The following NYAP2 variants were observed in gnomAD, a reference collection of about 807,000 sequenced individuals.
NYAP2 encodes neuronal tyrosine-phosphorylated phosphoinositide-3-kinase adapter 2.
A neutral mutation model predicts 50.4 loss-of-function variants in NYAP2; 23 were observed. The ratio of observed to expected loss-of-function variants is 0.46; its 90% CI spans 0.33 to 0.65. The LOEUF is 0.65. Ranked by LOEUF, NYAP2 falls within the 30% of genes least tolerant of loss-of-function variation. The pLI, the probability that NYAP2 is intolerant of heterozygous loss-of-function variation, is 0.02. For synonymous variants in NYAP2, 394 were observed against 365.2 expected, an observed-to-expected ratio of 1.08 and a Z score of -0.90; for missense variants, 885 against 861.0, an observed-to-expected ratio of 1.03 and a Z score of -0.35.
At chr2:225,489,618 G>A (rs1267474509) in intron 3 of NYAP2, among the ~76,000 whole-genome samples, 2 of 152,154 alleles carry the variant, frequency 1.3e-5, no homozygotes, top group African/African-American at 2.4e-5. Context: ...GAGGAAACAA[G>A]TACCAGCTTT....
intron 3 of NYAP2, among the ~76,000 whole-genome samples, chr2:225,468,374 C>T (rs1451220916): frequency 6.6e-6 from 1 of 152,168 alleles, no homozygotes; most frequent in African/African-American, 2.4e-5. Flanking sequence ...CAAAAGAATA[C>T]ATTTCTGTTA....
chr2:225,649,094 G>A (rs1693687484), intron 6 of NYAP2, among the ~76,000 whole-genome samples: 1 of 152,170 alleles, frequency 6.6e-6, no homozygotes, highest in South Asian at 2.1e-4. Context: ...TTGTGCAAGT[G>A]CGTGTGTATG....
the NYAP2 span, among the ~76,000 whole-genome samples, chr2:225,670,910 T>G: frequency 2.6e-5 from 4 of 152,138 alleles, no homozygotes; most frequent in Non-Finnish European, 4.4e-5. Flanking sequence ...GTAAACATTG[T>G]GTCTAAACAA....
At chr2:225,635,347 C>G (rs1693394184) in intron 6 of NYAP2, among the ~76,000 whole-genome samples, 1 of 152,100 alleles carries the variant, frequency 6.6e-6, no homozygotes, top group South Asian at 2.1e-4. Flanking sequence ...GATGAAATAA[C>G]AAAACACTGC....
rs377255280 is a variant in NYAP2 at position 225,582,058 on chromosome 2, A to G, written c.641A>G (p.Lys214Arg). The G allele has an allele frequency of 1.6e-4, 261 of 1,614,076 alleles. 4 individuals carry two copies. The Middle Eastern group carries it at 5.4e-3, about 34-fold the overall frequency. Residue 214 changes from lysine (K) to arginine (R), a missense_variant, in exon 5 of 7, where the codon AAG becomes AGG. Coordinates refer to ENST00000636099, the Ensembl canonical transcript of NYAP2. The surrounding 1 kb of genome is among the most constrained non-coding windows in gnomAD (Gnocchi z 7.0). ...TCTTTCGATGAAACGTACATCAAAA[A>G]GCATGGGCCCCGGAGGACGTCGCTG...
At chr2:225,652,351 G>C (rs544188504) in exon 7 of NYAP2, 3 of 152,194 alleles carry the variant, frequency 2.0e-5, no homozygotes, top group Non-Finnish European at 2.9e-5. Context: ...TTCATGCATG[G>C]TAAATGAGAT....
chr2:225,574,467 C>G (rs1166233228), intron 4 of NYAP2, among the ~76,000 whole-genome samples: 1 of 152,184 alleles, frequency 6.6e-6, no homozygotes, highest in Admixed American at 6.5e-5. Flanking sequence ...TCTCTAAGCT[C>G]TTGAATCTAC....
At chr2:225,684,325 G>A in the NYAP2 span, among the ~76,000 whole-genome samples, 1 of 151,940 alleles carries the variant, frequency 6.6e-6, no homozygotes. Flanking sequence ...GGATTAGGTT[G>A]AACTGGAAAG....
Position 225,518,735 on chromosome 2 carries a change from T to C in NYAP2, c.523+5063T>C, listed in dbSNP as rs1043993063. On this transcript the variant is annotated intron_variant, in intron 4 of 6. Transcript: ENST00000636099. The stretch of plus-strand genomic sequence containing the variant: ...ACAATTTTTGCCAATTAAAAATAAA[T>C]AGGCCAGGCATGGTGGCTTACACCT... Among the ~76,000 whole-genome samples, 15 of 148,394 alleles carry C rather than the reference T, an allele frequency of 1.0e-4. 1 individual carries two copies. The highest frequency in any genetic ancestry group is 9.5e-4 in the Admixed American group (14 of 14,748).
Position 225,455,087 on chromosome 2 carries a change from A to C in NYAP2, c.221+45986A>C, listed in dbSNP as rs1405434150. On this transcript the variant is annotated intron_variant, in intron 3 of 6. Transcript: ENST00000636099. The stretch of plus-strand genomic sequence containing the variant: ...ATGCAGACAGTCTCCAGAAATTGGA[A>C]AAGGCAAAAAACAAAACAAAACAAA... Among the ~76,000 whole-genome samples the C allele has an allele frequency of 2.0e-5, 3 of 152,140 alleles. No homozygotes were observed. The East Asian group carries it at 5.8e-4, about 29-fold the overall frequency.
intron 3 of NYAP2, among the ~76,000 whole-genome samples, chr2:225,479,044 C>T (rs1302148745): frequency 1.3e-5 from 2 of 152,000 alleles, no homozygotes; most frequent in Non-Finnish European, 2.9e-5. Flanking sequence ...ATTGTACTAG[C>T]AGATGTGATT....
At chr2:225,613,484 C>A (rs1692934847) in intron 5 of NYAP2, among the ~76,000 whole-genome samples, 1 of 152,172 alleles carries the variant, frequency 6.6e-6, no homozygotes, top group Non-Finnish European at 1.5e-5. Flanking sequence ...CAGACTTACC[C>A]AGAAACAATA....
chr2:225,617,734 G>C (rs906637001), intron 5 of NYAP2, among the ~76,000 whole-genome samples: 3 of 152,130 alleles, frequency 2.0e-5, no homozygotes, highest in African/African-American at 7.2e-5. Context: ...TTTGACAACA[G>C]CAACTAACTC....
intron 3 of NYAP2, among the ~76,000 whole-genome samples, chr2:225,460,206 C>T (rs532294101): frequency 6.6e-6 from 1 of 152,226 alleles, no homozygotes; most frequent in East Asian, 1.9e-4. Context: ...TTTCAAGAGG[C>T]TACCAGTCCC....
At chr2:225,635,794 C>T (rs992150512) in intron 6 of NYAP2, among the ~76,000 whole-genome samples, 3 of 152,110 alleles carry the variant, frequency 2.0e-5, no homozygotes, top group Admixed American at 1.3e-4. Flanking sequence ...GTTGCTACAT[C>T]GTACACAGTT....
the NYAP2 span, among the ~76,000 whole-genome samples, chr2:225,687,586 G>A: frequency 6.6e-6 from 1 of 152,006 alleles, no homozygotes; most frequent in African/African-American, 2.4e-5. Flanking sequence ...TATTTCTTAA[G>A]TAATATGTTA....
At chr2:225,456,773 A>T (rs920109942) in intron 3 of NYAP2, among the ~76,000 whole-genome samples, 2 of 152,006 alleles carry the variant, frequency 1.3e-5, no homozygotes, top group Non-Finnish European at 2.9e-5. Flanking sequence ...GTTCCCATAT[A>T]TCTTCCTGCA....
intron 4 of NYAP2, among the ~76,000 whole-genome samples, chr2:225,531,426 C>A (rs561825930): frequency 6.6e-6 from 1 of 152,234 alleles, no homozygotes; most frequent in Non-Finnish European, 1.5e-5. Flanking sequence ...TGTACAATGC[C>A]ATTATATCTG....
intron 6 of NYAP2, among the ~76,000 whole-genome samples, chr2:225,643,711 G>C (rs1402334032): frequency 8.6e-5 from 13 of 151,560 alleles, no homozygotes; most frequent in Admixed American, 2.0e-4. Flanking sequence ...TTTTGTTCTT[G>C]CGATAGTTTA....
Sources: allele counts gnomAD v4.1 joint callset (sites outside exome capture counted in the v4.1 genomes callset), GRCh38; gene constraint gnomAD v4.1.1; non-coding constraint Gnocchi (gnomAD v3.1); transcripts MANE v1.5; gene names NCBI Gene and HGNC (gene_info 2026-07-23, HGNC 2026-07-21).